The following SULT2A1 variants were observed in gnomAD, a reference collection of about 807,000 sequenced individuals.
The protein encoded by SULT2A1 is sulfotransferase 2A1.
In SULT2A1, 43 loss-of-function variants were observed where a neutral mutation model predicts 33.9. That is an observed-to-expected ratio of 1.27 (90% CI 1.00 to 1.64). The LOEUF (loss-of-function observed/expected upper bound fraction) is 1.64. SULT2A1 is among the 40% of genes most tolerant of loss of function. The pLI, the probability that SULT2A1 is intolerant of heterozygous loss-of-function variation, is 0.00. For missense variants in SULT2A1, 300 were observed against 335.1 expected (o/e 0.90, Z 0.82); for synonymous variants, 125 against 113.6 (o/e 1.10, Z -0.64).
In SULT2A1 at chr19:47,882,227, G is replaced by T; in HGVS notation, c.346-17C>A. 6.2e-7 allele frequency: 1 copy of T among 1,602,966 alleles called. No homozygotes were observed. ...ATAAATCACCTTAAATGGAAAAACG[G>T]GAGAATGAAAAATCAATACAGTCAA... On this transcript the variant is annotated splice_polypyrimidine_tract_variant and intron_variant, in intron 2 of 5. Transcript: ENST00000222002.
intron 2 of SULT2A1, among the ~76,000 whole-genome samples, 189 bp from the exon 3 acceptor site, chr19:47,882,399 A>G (rs542371582): frequency 2.9e-4 from 44 of 152,266 alleles, no homozygotes; most frequent in Middle Eastern, 6.8e-3. Flanking sequence ...CTGCACTAGG[A>G]ATATATCAAT....
chr19:47,875,158 C>CAA (rs36196588), intron 4 of SULT2A1, among the ~76,000 whole-genome samples: 2 of 94,050 alleles, frequency 2.1e-5, no homozygotes, highest in Non-Finnish European at 4.1e-5. Flanking sequence ...GAGACCTTGT[C>CAA]AAAAAAAAAA....
intron 1 of SULT2A1, among the ~76,000 whole-genome samples, chr19:47,884,265 G>C (rs558345774): frequency 6.6e-6 from 1 of 150,894 alleles, no homozygotes. Flanking sequence ...TGTGCATCCC[G>C]GGTTCATGCC....
intron 4 of SULT2A1, among the ~76,000 whole-genome samples, chr19:47,877,003 A>C (rs1371057656): frequency 1.4e-5 from 2 of 146,034 alleles, no homozygotes; most frequent in African/African-American, 5.0e-5. Context: ...CTTGAACCCG[A>C]GAGGCGGAGG....
chr19:47,881,997 T>G lies in SULT2A1; in HGVS notation c.472+87A>C, dbSNP rs1968608808. ...GTGGTGGAGCCTTTCAACCCATGGG[T>G]TGGTGAGATGTAGAGATGTGAGGCT... On this transcript the variant is annotated intron_variant, in intron 3 of 5. Coordinates refer to ENST00000222002, the MANE Select transcript of SULT2A1 (RefSeq NM_003167.4). 1.9e-6 allele frequency: 3 copies of G among 1,559,766 alleles called. No individual in the cohort carries two copies. In the South Asian group the frequency reaches 3.6e-5, roughly 19 times the overall value.
intron 1 of SULT2A1, among the ~76,000 whole-genome samples, chr19:47,885,160 A>G (rs1968644154): frequency 6.6e-6 from 1 of 152,104 alleles, no homozygotes; most frequent in Non-Finnish European, 1.5e-5. Context: ...TGTTAAGTAT[A>G]TTCCCAGTGC....
intron 4 of SULT2A1, among the ~76,000 whole-genome samples, chr19:47,875,780 C>A (rs745826768): frequency 1.4e-4 from 22 of 152,080 alleles, no homozygotes; most frequent in Non-Finnish European, 3.2e-4. Flanking sequence ...TCCTAAGAGA[C>A]GTTTAGAGAG....
intron 3 of SULT2A1, among the ~76,000 whole-genome samples, chr19:47,880,297 G>C (rs976118796): frequency 6.8e-6 from 1 of 146,408 alleles, no homozygotes; most frequent in Non-Finnish European, 1.5e-5. Flanking sequence ...ATCAGATCTC[G>C]TGAAAACTCA....
chr19:47,872,042 C>T (rs1027766565), intron 5 of SULT2A1, among the ~76,000 whole-genome samples: 2 of 152,010 alleles, frequency 1.3e-5, no homozygotes, highest in African/African-American at 4.8e-5. Context: ...CTCAGCCTCC[C>T]GAATAGCTGG....
chr19:47,880,080 C>CA (rs1156987583), intron 3 of SULT2A1, among the ~76,000 whole-genome samples: 3 of 151,288 alleles, frequency 2.0e-5, no homozygotes, highest in Non-Finnish European at 3.0e-5. Flanking sequence ...ACTAAAAACA[C>CA]AAAAAAATTA....
intron 5 of SULT2A1, among the ~76,000 whole-genome samples, chr19:47,873,524 C>A (rs1968512455): frequency 6.6e-6 from 1 of 151,470 alleles, no homozygotes; most frequent in South Asian, 2.1e-4. Context: ...TTCATCTTGG[C>A]ACCTTACAGC....
At chr19:47,884,338 AT>A (rs1335862318) in intron 1 of SULT2A1, among the ~76,000 whole-genome samples, 6 of 149,280 alleles carry the variant, frequency 4.0e-5, no homozygotes, top group Non-Finnish European at 4.5e-5. Flanking sequence ...CGTCTGGCTA[AT>A]TTTTTTTTTA....
intron 5 of SULT2A1, among the ~76,000 whole-genome samples, chr19:47,872,198 G>A (rs1014872169): frequency 2.0e-4 from 31 of 152,240 alleles, no homozygotes; most frequent in Non-Finnish European, 3.7e-4. Context: ...GATTACAGGC[G>A]TGAGCCACCA....
intron 4 of SULT2A1, 87 bp downstream of exon 4, chr19:47,878,949 T>A (rs781498351): frequency 1.0e-5 from 9 of 866,026 alleles, no homozygotes; most frequent in Non-Finnish European, 1.8e-5. Context: ...GAGGGTGGAA[T>A]GAAGACACAG....
chr19:47,874,193 A>C (rs184740933), intron 5 of SULT2A1, among the ~76,000 whole-genome samples: 30 of 152,226 alleles, frequency 2.0e-4, no homozygotes, highest in African/African-American at 7.0e-4. Flanking sequence ...GTACCACAAG[A>C]AGAGGCTCCC....
intron 1 of SULT2A1, among the ~76,000 whole-genome samples, chr19:47,885,108 G>T (rs1222791864): frequency 1.3e-5 from 2 of 152,160 alleles, no homozygotes. Context: ...ACCATGCCCA[G>T]CCTGTCAACC....
intron 4 of SULT2A1, among the ~76,000 whole-genome samples, chr19:47,875,747 A>G (rs1266439742): frequency 1.3e-5 from 2 of 152,190 alleles, no homozygotes; most frequent in South Asian, 2.1e-4. Flanking sequence ...ACAACTTAAC[A>G]GTAAAACACA....
chr19:47,886,006 T>C, intron 1 of SULT2A1, 116 bp downstream of exon 1: 4 of 1,303,210 alleles, frequency 3.1e-6, no homozygotes, highest in Non-Finnish European at 4.2e-6. Flanking sequence ...TAGGCATTCC[T>C]CTCTTCCCCT....
intron 1 of SULT2A1, among the ~76,000 whole-genome samples, chr19:47,884,143 T>C (rs137869338): frequency 0.011 from 1,622 of 147,850 alleles, 26 homozygotes; most frequent in African/African-American, 0.039. Context: ...AAAAGTACCA[T>C]CTCAACCTTA....
Sources: allele counts gnomAD v4.1 joint callset (sites outside exome capture counted in the v4.1 genomes callset), GRCh38; gene constraint gnomAD v4.1.1; transcripts MANE v1.5; gene names NCBI Gene and HGNC (gene_info 2026-07-23, HGNC 2026-07-21).